Variants in PTCHD1 observed in about 807,000 individuals in gnomAD.
PTCHD1 encodes patched domain containing 1.
A neutral mutation model predicts 34.6 loss-of-function variants in PTCHD1; 3 were observed. That is an observed-to-expected ratio of 0.09 (90% CI 0.04 to 0.22). The LOEUF is 0.22. Ranked by LOEUF, PTCHD1 falls within the 10% of genes least tolerant of loss-of-function variation. PTCHD1 has a pLI of 1.00. For synonymous variants in PTCHD1, 305 were observed against 283.1 expected (o/e 1.08, Z -0.77); for missense variants, 504 against 685.5 (o/e 0.74, Z 2.96).
chrX:23,389,459 ATG>A (rs1299314209), intron 2 of PTCHD1, among the ~76,000 whole-genome samples: 1 of 112,083 alleles, frequency 8.9e-6, no homozygotes, highest in Non-Finnish European at 1.9e-5. Context: ...AGGCCCAGTT[ATG>A]GTATCAGCAA....
rs755361874 is a variant in PTCHD1, at chrX:23,379,574, A to AT, written c.352-10dup. The AT allele has an allele frequency of 1.7e-6, 2 of 1,206,808 alleles. No homozygotes were observed. Among genetic ancestry groups the AT allele is most frequent in the African/African-American group, 1.8e-5 (1 of 57,036 alleles). ...AAATATTTGATTAATAAATGCTGTC[A>AT]TTTTTTTCCCCCACAGTTGCATGCT... On this transcript the variant is annotated splice_polypyrimidine_tract_variant and intron_variant, in intron 1 of 2. Coordinates refer to ENST00000379361, the MANE Select transcript of PTCHD1 (RefSeq NM_173495.3).
In PTCHD1 at chrX:23,393,171, C is replaced by T; in HGVS notation, c.1653C>T (p.Asn551=). 1 of 1,211,575 alleles carries T rather than the reference C, an allele frequency of 8.3e-7. No individual in the cohort carries two copies. Among genetic ancestry groups the T allele is most frequent in the South Asian group, 1.8e-5 (1 of 56,972 alleles). ...CTGCCCAGCAAAAGTACTTCAGCAA[C>T]TACAGTCCTGTGATTGGGTTTTACA... ...YTTAQQKYFS[N]YSPVIGFYIY... The change falls in exon 3 of 3, where the codon AAC becomes AAT. Residue 551 remains asparagine, a synonymous_variant. Transcript: ENST00000379361.
intron 1 of PTCHD1, among the ~76,000 whole-genome samples, chrX:23,363,982 TGTG>T (rs1367851138): frequency 8.9e-6 from 1 of 112,127 alleles, no homozygotes; most frequent in Non-Finnish European, 1.9e-5. Context: ...AAAAGTAAAT[TGTG>T]GTATTTTCAC....
chrX:23,359,370 T>C lies in PTCHD1; in HGVS notation c.352-20221T>C, dbSNP rs754629133. Among the ~76,000 whole-genome samples the C allele has an allele frequency of 2.7e-5, 3 of 112,055 alleles. No homozygotes were observed. In the South Asian group the frequency reaches 1.1e-3, roughly 42 times the overall value. On this transcript the variant is annotated intron_variant, in intron 1 of 2. Transcript: ENST00000379361. ...CCTTGAGGAGGTCCTTCACATCCCT[T>C]GTAAGTTGGATTCCTAGGTGTTTTA... is the stretch of plus-strand genomic sequence containing the variant.
chrX:23,346,658 C>A (rs551409732), intron 1 of PTCHD1, among the ~76,000 whole-genome samples: 6 of 111,820 alleles, frequency 5.4e-5, no homozygotes, highest in South Asian at 7.6e-4. Context: ...AATCTGAATG[C>A]CAAGGGTTAG....
intron 1 of PTCHD1, among the ~76,000 whole-genome samples, chrX:23,339,794 C>T (rs1921261981): frequency 8.9e-6 from 1 of 112,705 alleles, no homozygotes; most frequent in South Asian, 3.6e-4. Flanking sequence ...ATAAACACAA[C>T]AAAACAAAAA....
chrX:23,394,067 C>G lies in PTCHD1; in HGVS notation c.2549C>G (p.Pro850Arg). Residue 850 changes from proline to arginine, a missense_variant, in exon 3 of 3, where the codon CCA becomes CGA. By Grantham distance (103) the Pro-to-Arg change is moderately radical. Coordinates refer to ENST00000379361, the MANE Select transcript of PTCHD1 (RefSeq NM_173495.3). Reference protein sequence around the residue: ...AILPVILTFLPPSKKKRKEKK... With the variant: ...AILPVILTFLRPSKKKRKEKK... ...TTACCTGTGATACTGACTTTCCTGC[C>G]ACCCTCTAAGAAAAAAAGGAAAGAG... 8.3e-7 allele frequency: 1 copy of G among 1,208,571 alleles called. No individual in the cohort carries two copies. Among genetic ancestry groups the G allele is most frequent in the Non-Finnish European group, 1.1e-6 (1 of 893,787 alleles).
chrX:23,358,859 T>C (rs1601907432), intron 1 of PTCHD1, among the ~76,000 whole-genome samples: 1 of 112,452 alleles, frequency 8.9e-6, no homozygotes, highest in South Asian at 3.7e-4. Context: ...TTCAGCTTTC[T>C]ACATATGACT....
chrX:23,363,872 A>G (rs953687756), intron 1 of PTCHD1, among the ~76,000 whole-genome samples: 3 of 112,734 alleles, frequency 2.7e-5, no homozygotes, highest in African/African-American at 9.7e-5. Context: ...AAGTGAGTGC[A>G]TATGTCTACC....
At chrX:23,381,503 G>A (rs1377760160) in intron 2 of PTCHD1, among the ~76,000 whole-genome samples, 4 of 112,290 alleles carry the variant, frequency 3.6e-5, no homozygotes, top group African/African-American at 6.5e-5. Context: ...GGTCATTAGC[G>A]TGCCTTATGC....
intron 1 of PTCHD1, among the ~76,000 whole-genome samples, chrX:23,338,484 C>T (rs762368358): frequency 8.9e-6 from 1 of 112,072 alleles, no homozygotes; most frequent in African/African-American, 3.2e-5. Context: ...ATTCCGGAAT[C>T]ATCTATTTAA....
intron 1 of PTCHD1, among the ~76,000 whole-genome samples, chrX:23,353,937 T>C (rs1294027148): frequency 1.8e-5 from 2 of 111,785 alleles, no homozygotes; most frequent in Non-Finnish European, 3.8e-5. Context: ...ATCAACAAGA[T>C]TTTATGAATG....
chrX:23,392,062 C>CT (rs1922846017), intron 2 of PTCHD1, among the ~76,000 whole-genome samples: 5 of 53,860 alleles, frequency 9.3e-5, no homozygotes, highest in African/African-American at 2.7e-4. Context: ...TTTCTTTTTT[C>CT]TTTCTTTCTT....
intron 1 of PTCHD1, among the ~76,000 whole-genome samples, chrX:23,342,092 A>G (rs1301225580): frequency 2.8e-5 from 3 of 107,971 alleles, no homozygotes; most frequent in Non-Finnish European, 5.8e-5. Context: ...ACTGTGGGCA[A>G]CTGGGGCTCA....
In PTCHD1 at chrX:23,344,913, C is replaced by G. The variant is rs749542859; in HGVS notation, c.351+9687C>G. On this transcript the variant is annotated intron_variant, in intron 1 of 2. Coordinates refer to ENST00000379361, the MANE Select transcript of PTCHD1 (RefSeq NM_173495.3). ...GTGAGAACGTTGATCATTCTCCTCTCTTACTGAATTTACATGACTACAGTG... is the reference window on the plus strand; with the variant it reads ...GTGAGAACGTTGATCATTCTCCTCTGTTACTGAATTTACATGACTACAGTG... Among the ~76,000 whole-genome samples the G allele has an allele frequency of 2.4e-3, 272 of 112,066 alleles. 3 individuals carry two copies. Among genetic ancestry groups the G allele is most frequent in the African/African-American group, 8.3e-3 (256 of 30,829 alleles).
chrX:23,382,895 A>G (rs1922600979), intron 2 of PTCHD1, among the ~76,000 whole-genome samples: 1 of 112,523 alleles, frequency 8.9e-6, no homozygotes, highest in African/African-American at 3.2e-5. Context: ...TATGCTCATA[A>G]AGCTAACAGT....
In PTCHD1 at chrX:23,396,290, C is replaced by A. The variant is rs371609063; in HGVS notation, c.*2105C>A. The A allele has an allele frequency of 8.9e-6, 1 of 112,167 alleles. No homozygotes were observed. Among genetic ancestry groups the A allele is most frequent in the East Asian group, 2.8e-4 (1 of 3,577 alleles). 9.2% of individuals were successfully genotyped at this position (112,167 alleles called of 1,213,427 possible). ...TCATACCAACGTGTTATACACTCAA[C>A]TAGAAGATAATAAGCTTTAATCTGA... On this transcript the variant is annotated 3_prime_UTR_variant, in exon 3 of 3. Transcript: ENST00000379361.
intron 1 of PTCHD1, among the ~76,000 whole-genome samples, chrX:23,379,014 T>A (rs1170638910): frequency 8.9e-6 from 1 of 111,947 alleles, no homozygotes; most frequent in Non-Finnish European, 1.9e-5. Context: ...TCTTGTCTTA[T>A]ATGGTAGAGA....
At chrX:23,355,294 A>C (rs755376583) in intron 1 of PTCHD1, among the ~76,000 whole-genome samples, 1 of 112,504 alleles carries the variant, frequency 8.9e-6, no homozygotes, top group South Asian at 3.7e-4. Flanking sequence ...CTGCCTGATA[A>C]AAACAATCAG....
Sources: gnomAD v4.1 joint callset for allele counts (sites outside exome capture counted in the v4.1 genomes callset) on GRCh38, gnomAD v4.1.1 for gene constraint, MANE v1.5 for transcripts, NCBI Gene and HGNC (gene_info 2026-07-23, HGNC 2026-07-21) for gene names.